Variants in DLG2 observed in about 807,000 individuals in gnomAD.
DLG2 encodes the protein discs large MAGUK scaffold protein 2, also known as disks large homolog 2.
In DLG2, 45 loss-of-function variants were observed where a neutral mutation model predicts 132.5. The observed-to-expected ratio is 0.34, with a 90% confidence interval of 0.27 to 0.44. DLG2 has a LOEUF of 0.44. Among genes scored for constraint, DLG2 ranks in the 20% least tolerant of loss-of-function variants. DLG2 has a pLI of 1.00. For synonymous variants in DLG2, 424 were observed against 419.6 expected, an observed-to-expected ratio of 1.01 and a Z score of -0.13; for missense variants, 1,045 against 1,196.9, an observed-to-expected ratio of 0.87 and a Z score of 1.87.
intron 16 of DLG2, among the ~76,000 whole-genome samples, chr11:83,835,945 C>A (rs1009952249): frequency 6.6e-6 from 1 of 152,068 alleles, no homozygotes; most frequent in African/African-American, 2.4e-5. Flanking sequence ...CACACACACC[C>A]CTATAGTATA....
chr11:83,799,775 C>T (rs548160306), intron 17 of DLG2, among the ~76,000 whole-genome samples: 1 of 152,244 alleles, frequency 6.6e-6, no homozygotes, highest in East Asian at 1.9e-4. Context: ...GTTGACTTTG[C>T]TATGTCTGTT....
chr11:83,657,294 T>C (rs992816714), intron 18 of DLG2, among the ~76,000 whole-genome samples: 3 of 152,066 alleles, frequency 2.0e-5, no homozygotes, highest in African/African-American at 7.2e-5. Flanking sequence ...AGGTGAAAAA[T>C]CACGAGTGAG....
intron 6 of DLG2, among the ~76,000 whole-genome samples, chr11:84,537,288 G>C (rs1490896368): frequency 6.6e-6 from 1 of 151,750 alleles, no homozygotes; most frequent in East Asian, 1.9e-4. Context: ...TTTATTTTTA[G>C]TAGAGCCGGG....
chr11:85,350,909 T>C (rs982439299), intron 3 of DLG2, among the ~76,000 whole-genome samples: 1 of 152,216 alleles, frequency 6.6e-6, no homozygotes, highest in Non-Finnish European at 1.5e-5. Flanking sequence ...TTTGGTTCCA[T>C]ATGAACTTTA....
intron 6 of DLG2, among the ~76,000 whole-genome samples, chr11:84,537,399 C>G (rs1167499310): frequency 1.3e-5 from 2 of 152,166 alleles, no homozygotes; most frequent in Admixed American, 6.5e-5. Flanking sequence ...AGCCACCGCA[C>G]CCAGCCCTGA....
At chr11:83,709,570 T>C (rs1377381484) in intron 18 of DLG2, among the ~76,000 whole-genome samples, 1 of 152,128 alleles carries the variant, frequency 6.6e-6, no homozygotes, top group African/African-American at 2.4e-5. Flanking sequence ...TTCTCTAGGC[T>C]GCCTGTGATG....
chr11:85,041,844 T>C (rs2061895423), intron 6 of DLG2, among the ~76,000 whole-genome samples: 1 of 151,790 alleles, frequency 6.6e-6, no homozygotes, highest in South Asian at 2.1e-4. Context: ...TTCACTAACA[T>C]GGACAAAAAT....
At chr11:85,071,627 T>A (rs769245340) in intron 6 of DLG2, among the ~76,000 whole-genome samples, 1 of 151,774 alleles carries the variant, frequency 6.6e-6, no homozygotes, top group Admixed American at 6.6e-5. Context: ...ATAAACTTTA[T>A]GACAGCCAAC....
chr11:84,398,714 A>G (rs1488765822), intron 7 of DLG2, among the ~76,000 whole-genome samples: 2 of 152,160 alleles, frequency 1.3e-5, no homozygotes. Context: ...GAAACAAAAT[A>G]AACCATTCAG....
chr11:84,001,097 A>T (rs1449047990), intron 11 of DLG2, among the ~76,000 whole-genome samples: 1 of 152,114 alleles, frequency 6.6e-6, no homozygotes, highest in African/African-American at 2.4e-5. Flanking sequence ...ATATATTAAT[A>T]TTAACCTTGA....
At chr11:85,614,011 C>T (rs2081179872) in intron 2 of DLG2, among the ~76,000 whole-genome samples, 1 of 152,170 alleles carries the variant, frequency 6.6e-6, no homozygotes, top group Non-Finnish European at 1.5e-5. Flanking sequence ...AGCTTCACTC[C>T]TGAAGTCAGC....
intron 6 of DLG2, among the ~76,000 whole-genome samples, chr11:84,920,089 T>C (rs758690489): frequency 6.6e-5 from 10 of 152,236 alleles, no homozygotes; most frequent in Non-Finnish European, 1.3e-4. Flanking sequence ...CATTTCCTTC[T>C]GTTGAAAGCT....
At chr11:85,433,443 A>C (rs1161048084) in intron 3 of DLG2, among the ~76,000 whole-genome samples, 1 of 152,202 alleles carries the variant, frequency 6.6e-6, no homozygotes, top group East Asian at 1.9e-4. Flanking sequence ...AGACACACTT[A>C]GGCTCAAAAT....
intron 3 of DLG2, among the ~76,000 whole-genome samples, chr11:85,560,868 C>T (rs190777952): frequency 1.5e-4 from 23 of 150,756 alleles, no homozygotes; most frequent in Admixed American, 2.7e-4. Flanking sequence ...ATCGTCTCTA[C>T]AAAAAATTTA....
intron 19 of DLG2, among the ~76,000 whole-genome samples, chr11:83,545,577 CA>C (rs1259349601): frequency 4.6e-5 from 7 of 152,120 alleles, no homozygotes; most frequent in Non-Finnish European, 7.4e-5. Context: ...CGTCTTCTTT[CA>C]TGTCTCTGCA....
At chr11:83,590,642 G>A (rs1013289687) in intron 19 of DLG2, among the ~76,000 whole-genome samples, 2 of 152,060 alleles carry the variant, frequency 1.3e-5, no homozygotes, top group African/African-American at 2.4e-5. Context: ...ACTAAAATCA[G>A]AGCAGAACTG....
At chr11:84,424,771 A>C (rs924314755) in intron 7 of DLG2, among the ~76,000 whole-genome samples, 2 of 152,222 alleles carry the variant, frequency 1.3e-5, no homozygotes, top group Non-Finnish European at 2.9e-5. Context: ...TGTGCTTCCT[A>C]AGAATGTAAT....
At chr11:85,429,771 T>C (rs2091037536) in intron 3 of DLG2, among the ~76,000 whole-genome samples, 2 of 152,240 alleles carry the variant, frequency 1.3e-5, no homozygotes, top group South Asian at 4.1e-4. Context: ...GACTGTAAAC[T>C]AGTTCAACCA....
intron 7 of DLG2, among the ~76,000 whole-genome samples, chr11:84,511,212 T>A (rs2154514008): frequency 6.6e-6 from 1 of 152,160 alleles, no homozygotes; most frequent in Non-Finnish European, 1.5e-5. Flanking sequence ...AGTGTGGAAT[T>A]TTTTTTTCTA....
Sources: allele counts gnomAD v4.1 joint callset (sites outside exome capture counted in the v4.1 genomes callset), GRCh38; gene constraint gnomAD v4.1.1; transcripts MANE v1.5; gene names NCBI Gene and HGNC (gene_info 2026-07-23, HGNC 2026-07-21).